The following PSMD14 variants were observed in gnomAD, a reference collection of about 807,000 sequenced individuals.
PSMD14 encodes ubiquitin C-terminal hydrolase PSMD14.
Under a neutral mutation model 41.2 loss-of-function variants are expected in PSMD14, and 7 were observed. The observed-to-expected ratio is 0.17, with a 90% CI of 0.10 to 0.32. The LOEUF is 0.32. PSMD14 is among the 10% of genes least tolerant of loss of function. The probability of loss-of-function intolerance (pLI) is 1.00; values close to 1 mark genes in which losing one functional copy is unlikely to be tolerated. For synonymous variants in PSMD14, 114 were observed against 122.3 expected, an observed-to-expected ratio of 0.93 and a Z score of 0.45; for missense variants, 139 against 375.6, an observed-to-expected ratio of 0.37 and a Z score of 5.21.
chr2:161,345,222 CTT>C (rs1392483489), intron 3 of PSMD14, among the ~76,000 whole-genome samples: 1 of 140,280 alleles, frequency 7.1e-6, no homozygotes, highest in African/African-American at 2.6e-5. Context: ...ATTCTGTTCT[CTT>C]GATCTCTGTG....
At chr2:161,352,661 C>T (rs537206563) in intron 3 of PSMD14, among the ~76,000 whole-genome samples, 5 of 152,100 alleles carry the variant, frequency 3.3e-5, no homozygotes, top group East Asian at 1.9e-4. Flanking sequence ...TTCAAATAGT[C>T]GTGCCCACAT....
At position 161,357,076 on chromosome 2, in the gene PSMD14, C is replaced by CTTTTTTTTTTT. The variant is rs71281822; in HGVS notation, c.49-10400_49-10390dup. Among the ~76,000 whole-genome samples the CTTTTTTTTTTT allele has an allele frequency of 2.8e-3, 345 of 124,174 alleles. 20 individuals carry two copies. Among genetic ancestry groups the CTTTTTTTTTTT allele is most frequent in the Non-Finnish European group, 4.7e-3 (287 of 61,494 alleles). 81.5% of individuals were successfully genotyped at this position (124,174 alleles called of 152,430 possible). A position where few individuals can be genotyped will look rare whatever the true frequency, so the allele number is the denominator to read the frequency against. On this transcript the variant is annotated intron_variant, in intron 3 of 11. Transcript: ENST00000409682. ...TTTATGCTGTTATAATGGCAAATGCCTTTTTTTTTTTTAGCACTTAGTCAA... is the reference window on the plus strand; with the variant it reads ...TTTATGCTGTTATAATGGCAAATGCCTTTTTTTTTTTTTTTTTTTTTTTAGCACTTAGTCAA...
In PSMD14 at chr2:161,346,535, G is replaced by C. The variant is rs573757934; in HGVS notation, c.49-20943G>C. On this transcript the variant is annotated intron_variant, in intron 3 of 11. Coordinates refer to ENST00000409682, the MANE Select transcript of PSMD14 (RefSeq NM_005805.6). ...TTTTTGCTGCTTTGTATGTCTGATA[G>C]TTTTTACTAGATGTTTCACATTGTG... 2.0e-5 allele frequency among the ~76,000 whole-genome samples: 3 copies of C among 149,138 alleles called. No individual in the cohort carries two copies. The South Asian group carries it at 6.4e-4, about 32-fold the overall frequency.
At chr2:161,394,630 A>G (rs1225163803) in intron 9 of PSMD14, among the ~76,000 whole-genome samples, 1 of 152,204 alleles carries the variant, frequency 6.6e-6, no homozygotes, top group Non-Finnish European at 1.5e-5. Context: ...GAATAGGGCA[A>G]AGTCCCTGCC....
intron 10 of PSMD14, among the ~76,000 whole-genome samples, chr2:161,406,263 A>G (rs1177595103): frequency 6.6e-6 from 1 of 152,188 alleles, no homozygotes; most frequent in Non-Finnish European, 1.5e-5. Flanking sequence ...AGGATTTCTT[A>G]GAGCTGTGCA....
intron 4 of PSMD14, 48 bp downstream of exon 4, chr2:161,367,597 A>G: frequency 6.7e-7 from 1 of 1,500,948 alleles, no homozygotes; most frequent in Non-Finnish European, 9.1e-7. Context: ...TGTTGCTTTC[A>G]CTGTATCTTT....
At chr2:161,321,532 C>G (rs770751299) in intron 3 of PSMD14, among the ~76,000 whole-genome samples, 1 of 152,142 alleles carries the variant, frequency 6.6e-6, no homozygotes, top group African/African-American at 2.4e-5. Context: ...CTGTCAGACT[C>G]TGCAAGTTAA....
chr2:161,345,728 A>T (rs1683032343), intron 3 of PSMD14, among the ~76,000 whole-genome samples: 1 of 152,004 alleles, frequency 6.6e-6, no homozygotes, highest in African/African-American at 2.4e-5. Context: ...AATTTTGGTC[A>T]CTGTTTCTTA....
At chr2:161,312,200 G>T (rs891802267) in intron 1 of PSMD14, among the ~76,000 whole-genome samples, 1 of 151,756 alleles carries the variant, frequency 6.6e-6, no homozygotes, top group African/African-American at 2.4e-5. Context: ...CTGGAGTGCG[G>T]TGGCGCGATC....
At chr2:161,336,679 G>A (rs577388919) in intron 3 of PSMD14, among the ~76,000 whole-genome samples, 62 of 152,220 alleles carry the variant, frequency 4.1e-4, no homozygotes, top group African/African-American at 1.4e-3. Context: ...AGGTTCAAGT[G>A]ATTCTCCTGC....
chr2:161,338,241 G>A (rs1268045233), intron 3 of PSMD14, among the ~76,000 whole-genome samples: 3 of 151,930 alleles, frequency 2.0e-5, no homozygotes, highest in Non-Finnish European at 4.4e-5. Context: ...TATAAATTAC[G>A]AGAAATGAAG....
intron 9 of PSMD14, among the ~76,000 whole-genome samples, chr2:161,394,557 CAGAT>C (rs1683764846): frequency 6.6e-6 from 1 of 152,126 alleles, no homozygotes; most frequent in Admixed American, 6.5e-5. Flanking sequence ...ATTCATTCAT[CAGAT>C]ATTTATTGAG....
chr2:161,325,276 T>C (rs16845770), intron 3 of PSMD14, among the ~76,000 whole-genome samples: 21,267 of 152,070 alleles, frequency 0.14, 1,719 homozygotes, highest in East Asian at 0.3. Context: ...TGGTGAGATA[T>C]AGTGTACATT....
intron 10 of PSMD14, among the ~76,000 whole-genome samples, chr2:161,398,180 C>A (rs1683826591): frequency 6.6e-6 from 1 of 151,962 alleles, no homozygotes; most frequent in South Asian, 2.1e-4. Flanking sequence ...ATGAAAGAGT[C>A]CAAATTTGGG....
At chr2:161,339,191 A>G (rs1323565458) in intron 3 of PSMD14, among the ~76,000 whole-genome samples, 2 of 152,200 alleles carry the variant, frequency 1.3e-5, no homozygotes, top group African/African-American at 4.8e-5. Context: ...TGGTAGGTAT[A>G]TGTTTAACTT....
intron 2 of PSMD14, among the ~76,000 whole-genome samples, 154 bp from the exon 3 acceptor site, chr2:161,318,668 A>G (rs143922143): frequency 1.3e-5 from 2 of 152,316 alleles, no homozygotes; most frequent in Non-Finnish European, 1.5e-5. Flanking sequence ...TCTTGAATTA[A>G]TATGTGGTGT....
At chr2:161,405,837 A>C (rs1333585436) in intron 10 of PSMD14, among the ~76,000 whole-genome samples, 2 of 152,158 alleles carry the variant, frequency 1.3e-5, no homozygotes, top group Non-Finnish European at 2.9e-5. Flanking sequence ...AGTGCGAACA[A>C]AGTTAACATG....
At chr2:161,367,587 T>C (rs1462670806) in intron 4 of PSMD14, 38 bp downstream of exon 4, 1 of 1,525,994 alleles carries the variant, frequency 6.6e-7, no homozygotes, top group African/African-American at 1.4e-5. Context: ...TAGAGAACTC[T>C]GTTGCTTTCA....
chr2:161,349,933 C>A (rs1382160954), intron 3 of PSMD14, among the ~76,000 whole-genome samples: 1 of 152,134 alleles, frequency 6.6e-6, no homozygotes, highest in Non-Finnish European at 1.5e-5. Context: ...TGATTTCCAA[C>A]AAGATTAAAA....
Sources: gnomAD v4.1 joint callset for allele counts (sites outside exome capture counted in the v4.1 genomes callset) on GRCh38, gnomAD v4.1.1 for gene constraint, MANE v1.5 for transcripts, NCBI Gene and HGNC (gene_info 2026-07-23, HGNC 2026-07-21) for gene names.